Variants in AHI1 observed in about 807,000 individuals in gnomAD.
AHI1 encodes jouberin.
A neutral mutation model predicts 149.3 loss-of-function variants in AHI1; 123 were observed. The ratio of observed to expected loss-of-function variants is 0.82; its 90% CI spans 0.71 to 0.96. The LOEUF is 0.96. Among genes scored for constraint, AHI1 ranks in the 40% least tolerant of loss-of-function variants. The pLI, the probability that AHI1 is intolerant of heterozygous loss-of-function variation, is 0.00. For synonymous variants in AHI1, 475 were observed against 459.8 expected (o/e 1.03, Z -0.42); for missense variants, 1,439 against 1,422.7 (o/e 1.01, Z -0.18).
intron 23 of AHI1, among the ~76,000 whole-genome samples, chr6:135,361,645 TCACACACACACACACACACA>T (rs57786531): frequency 3.7e-5 from 5 of 133,810 alleles, no homozygotes; most frequent in South Asian, 2.7e-4. Context: ...AGGTATGGTT[TCACACACACACACACACACA>T]CACACACACA....
chr6:135,392,033 G>A (rs533929452), intron 23 of AHI1, among the ~76,000 whole-genome samples: 1 of 152,244 alleles, frequency 6.6e-6, no homozygotes, highest in South Asian at 2.1e-4. Flanking sequence ...GAGTTCCATT[G>A]GAACACATAA....
chr6:135,366,407 A>G (rs1774194023), intron 23 of AHI1, among the ~76,000 whole-genome samples: 1 of 152,186 alleles, frequency 6.6e-6, no homozygotes, highest in South Asian at 2.1e-4. Flanking sequence ...CTGTGAATCC[A>G]TCTAGTCCTG....
At chr6:135,462,634 C>T (rs1207371742) in intron 8 of AHI1, among the ~76,000 whole-genome samples, 1 of 152,164 alleles carries the variant, frequency 6.6e-6, no homozygotes, top group African/African-American at 2.4e-5. Flanking sequence ...GGCATGGTGG[C>T]TCATGCCTGT....
At chr6:135,361,659 A>T (rs946481718) in intron 23 of AHI1, among the ~76,000 whole-genome samples, 5 of 147,356 alleles carry the variant, frequency 3.4e-5, no homozygotes, top group African/African-American at 1.3e-4. Context: ...ACACACACAC[A>T]CACACACACA....
intron 24 of AHI1, among the ~76,000 whole-genome samples, chr6:135,328,404 A>G (rs571735723): frequency 4.6e-5 from 7 of 152,070 alleles, no homozygotes; most frequent in Non-Finnish European, 1.0e-4. Flanking sequence ...CAACAGTTCA[A>G]ATTTTTCCTT....
At chr6:135,465,283 A>G (rs1377097215) in intron 7 of AHI1, among the ~76,000 whole-genome samples, 1 of 152,214 alleles carries the variant, frequency 6.6e-6, no homozygotes, top group Admixed American at 6.5e-5. Context: ...ACTTAACCTC[A>G]CACTCTATAT....
intron 23 of AHI1, 85 bp from the exon 24 acceptor site, chr6:135,358,272 A>G: frequency 8.4e-7 from 1 of 1,192,222 alleles, no homozygotes; most frequent in Non-Finnish European, 1.2e-6. Context: ...TATTGGAAAA[A>G]CATTTATTAT....
At chr6:135,376,732 A>G (rs1458004519) in intron 23 of AHI1, among the ~76,000 whole-genome samples, 2 of 151,798 alleles carry the variant, frequency 1.3e-5, no homozygotes, top group Non-Finnish European at 2.9e-5. Flanking sequence ...AAATACAAAA[A>G]TTAGCTGGGC....
At position 135,428,700 on chromosome 6, in the gene AHI1, A is replaced by T; in HGVS notation, c.2552T>A (p.Leu851Ter). 1 of 1,608,866 alleles carries T rather than the reference A, an allele frequency of 6.2e-7. No homozygotes were observed. Among genetic ancestry groups the T allele is most frequent in the Non-Finnish European group, 8.5e-7 (1 of 1,176,922 alleles). ...AAACAGAAAAGTCCCACATGGAGTC[A>T]AAGTACTATGAATCTTCTCCCGATA... is the stretch of plus-strand genomic sequence containing the variant. The part of the protein sequence containing the change: ...ANYREKIHST[L>*]TPCGTFLFAG... Residue 851 changes from leucine to a stop codon, truncating the protein, a stop_gained, in exon 19 of 29, where the codon TTG (leucine) becomes TAG (stop). Transcript: ENST00000265602. LOFTEE classifies it high-confidence loss of function.
intron 24 of AHI1, among the ~76,000 whole-genome samples, chr6:135,338,026 G>A (rs932335260): frequency 2.6e-5 from 4 of 151,974 alleles, no homozygotes; most frequent in South Asian, 4.2e-4. Flanking sequence ...GGCTGGGCGC[G>A]GTGGCTCACG....
chr6:135,463,388 A>G, intron 7 of AHI1, 82 bp from the exon 8 acceptor site: 1 of 1,137,540 alleles, frequency 8.8e-7, no homozygotes, highest in South Asian at 1.9e-5. Context: ...AGTGAACAGT[A>G]AATAGGAGCA....
intron 23 of AHI1, among the ~76,000 whole-genome samples, chr6:135,382,926 A>AATATATATATAT (rs1217996100): frequency 2.0e-4 from 6 of 30,510 alleles, no homozygotes; most frequent in East Asian, 1.0e-3. Context: ...AAAAAAAAAA[A>AATATATATATAT]ATATATATAT....
At chr6:135,344,955 C>G (rs1017108315) in intron 24 of AHI1, among the ~76,000 whole-genome samples, 8 of 151,144 alleles carry the variant, frequency 5.3e-5, no homozygotes, top group South Asian at 2.1e-4. Context: ...CACACACACA[C>G]AGTATATTAA....
intron 5 of AHI1, among the ~76,000 whole-genome samples, chr6:135,472,659 T>A (rs2128107675): frequency 6.6e-6 from 1 of 152,338 alleles, no homozygotes; most frequent in Non-Finnish European, 1.5e-5. Flanking sequence ...TTGCACTTAA[T>A]ACTGTCAATT....
At chr6:135,436,203 T>C (rs970952417) in intron 15 of AHI1, among the ~76,000 whole-genome samples, 1 of 151,934 alleles carries the variant, frequency 6.6e-6, no homozygotes, top group East Asian at 1.9e-4. Flanking sequence ...AGCTAAAGGA[T>C]CCTGGGGATA....
intron 14 of AHI1, among the ~76,000 whole-genome samples, chr6:135,441,190 T>C (rs1435815971): frequency 6.6e-6 from 1 of 151,046 alleles, no homozygotes; most frequent in African/African-American, 2.4e-5. Context: ...GTACAATAAC[T>C]GAAATAAATA....
chr6:135,441,226 A>T (rs965952259), intron 14 of AHI1, among the ~76,000 whole-genome samples: 3 of 152,158 alleles, frequency 2.0e-5, no homozygotes, highest in African/African-American at 7.2e-5. Flanking sequence ...TCAAAAGCAG[A>T]TCTAAACTGA....
Position 135,427,176 on chromosome 6 carries a change from C to T in AHI1, c.2755G>A (p.Asp919Asn), listed in dbSNP as rs773959302. Residue 919 changes from aspartate (D) to asparagine (N), a missense_variant, in exon 20 of 29, where the codon GAT (aspartate) becomes AAT (asparagine). Transcript: ENST00000265602. ...CAAGTGGTAGACTTACCATGGAAAT[C>T]GTAAATATACAGAAGAATTGGCTCA... ...QNEPILLYIY[D>N]FHVAQQEAEM... 13 of 1,609,148 alleles carry T rather than the reference C, an allele frequency of 8.1e-6. No individual in the cohort carries two copies. The highest frequency in any genetic ancestry group is 5.0e-5 in the Admixed American group (3 of 59,582).
chr6:135,326,050 G>A (rs1787627273), intron 24 of AHI1, among the ~76,000 whole-genome samples: 1 of 152,154 alleles, frequency 6.6e-6, no homozygotes, highest in Admixed American at 6.5e-5. Flanking sequence ...TTCTATTACA[G>A]TACCTACTGA....
Sources: allele counts gnomAD v4.1 joint callset (sites outside exome capture counted in the v4.1 genomes callset), GRCh38; gene constraint gnomAD v4.1.1; transcripts MANE v1.5; gene names NCBI Gene and HGNC (gene_info 2026-07-23, HGNC 2026-07-21).